The following CCNB1IP1 variants were observed in gnomAD, a reference collection of about 807,000 sequenced individuals.
CCNB1IP1 encodes the protein cyclin B1 interacting protein 1.
Under a neutral mutation model 25.6 loss-of-function variants are expected in CCNB1IP1, and 14 were observed. That is an observed-to-expected ratio of 0.55 (90% CI 0.36 to 0.85). The LOEUF (loss-of-function observed/expected upper bound fraction) is 0.85, where lower values mean the gene tolerates loss of function less well. CCNB1IP1 is among the 40% of genes least tolerant of loss of function. The pLI is 0.01. For missense variants in CCNB1IP1, 278 were observed against 342.4 expected (o/e 0.81, Z 1.48); for synonymous variants, 119 against 116.1 (o/e 1.02, Z -0.16).
At chr14:20,312,963 G>T (rs1232995899) in intron 6 of CCNB1IP1, among the ~76,000 whole-genome samples, 2 of 152,228 alleles carry the variant, frequency 1.3e-5, no homozygotes, top group East Asian at 3.9e-4. Flanking sequence ...GAAAAAAATT[G>T]AAACATGGCC....
At chr14:20,320,378 T>C (rs2138856735) in intron 4 of CCNB1IP1, 2 of 455,146 alleles carry the variant, frequency 4.4e-6, no homozygotes, top group South Asian at 3.1e-5. Flanking sequence ...AGTGGTAGTC[T>C]AGTCTGTAAC....
intron 5 of CCNB1IP1, chr14:20,315,569 T>C (rs1882664070): frequency 1.6e-6 from 2 of 1,275,114 alleles, no homozygotes; most frequent in Non-Finnish European, 2.0e-6. Context: ...TAACAATACA[T>C]TCAAGGACAT....
At chr14:20,321,568 C>T (rs547086678) in intron 4 of CCNB1IP1, among the ~76,000 whole-genome samples, 1 of 152,182 alleles carries the variant, frequency 6.6e-6, no homozygotes, top group Non-Finnish European at 1.5e-5. Context: ...TTCCTTGCCT[C>T]AGCCTCCCGC....
chr14:20,324,221 C>T (rs1882992915), intron 4 of CCNB1IP1, among the ~76,000 whole-genome samples: 1 of 152,090 alleles, frequency 6.6e-6, no homozygotes, highest in Admixed American at 6.5e-5. Flanking sequence ...AAGTCTAGCT[C>T]TGTCACCCAA....
At position 20,315,959 on chromosome 14, in the gene CCNB1IP1, C is replaced by A. The variant is rs1299892694; in HGVS notation, c.297+268G>T. On this transcript the variant is annotated intron_variant, in intron 5 of 6. Coordinates refer to ENST00000358932, the MANE Select transcript of CCNB1IP1 (RefSeq NM_021178.5). ...GTGTGTGTGTTATCTTACTTTTATACAGAAGAGAGAGAGAGTGTGTGAGTG... is the reference window on the plus strand; with the variant it reads ...GTGTGTGTGTTATCTTACTTTTATAAAGAAGAGAGAGAGAGTGTGTGAGTG... 6 of 456,874 alleles carry A rather than the reference C, an allele frequency of 1.3e-5. 1 individual carries two copies. Among genetic ancestry groups the A allele is most frequent in the Middle Eastern group, 6.3e-4 (2 of 3,196 alleles). 28.3% of individuals were successfully genotyped at this position (456,874 alleles called of 1,614,324 possible).
intron 4 of CCNB1IP1, chr14:20,317,917 T>C (rs1217374600): frequency 6.6e-6 from 1 of 152,170 alleles, no homozygotes; most frequent in East Asian, 1.9e-4. Context: ...ATGCGTGGGG[T>C]TGCCCCGAAG....
chr14:20,318,245 G>C (rs143779392), intron 4 of CCNB1IP1: 9,318 of 152,234 alleles, frequency 0.061, 876 homozygotes, highest in African/African-American at 0.2. Context: ...AGGCTGAGGC[G>C]GGCAAATCAC....
chr14:20,320,000 G>A (rs61995536), intron 4 of CCNB1IP1, among the ~76,000 whole-genome samples: 6,910 of 152,238 alleles, frequency 0.045, 224 homozygotes, highest in Middle Eastern at 0.1. Flanking sequence ...TTCATTACTC[G>A]TAAGAGTGAG....
At chr14:20,313,242 T>C (rs1447392849) in intron 6 of CCNB1IP1, among the ~76,000 whole-genome samples, 1 of 152,248 alleles carries the variant, frequency 6.6e-6, no homozygotes, top group Non-Finnish European at 1.5e-5. Context: ...AACTTTCATT[T>C]TGCAGAGATT....
At chr14:20,328,078 G>A (rs1172755512) in intron 2 of CCNB1IP1, among the ~76,000 whole-genome samples, 1 of 152,142 alleles carries the variant, frequency 6.6e-6, no homozygotes, top group Non-Finnish European at 1.5e-5. Flanking sequence ...AGAAAAGAAA[G>A]CAGTGGCTAT....
At chr14:20,316,185 C>A in intron 5 of CCNB1IP1, 42 bp downstream of exon 5, 2 of 1,553,424 alleles carry the variant, frequency 1.3e-6, no homozygotes, top group Admixed American at 1.8e-5. Flanking sequence ...CCCACAAATG[C>A]CATAAATCAC....
intron 2 of CCNB1IP1, 80 bp downstream of exon 2, chr14:20,329,093 TC>T (rs1463477549): frequency 6.6e-6 from 1 of 152,226 alleles, no homozygotes; most frequent in African/African-American, 2.4e-5. Context: ...TCCAATTTAC[TC>T]AGTGCCACCT....
intron 1 of CCNB1IP1, 73 bp from the exon 2 acceptor site, chr14:20,329,446 C>T (rs1883172056): frequency 6.6e-6 from 1 of 152,190 alleles, no homozygotes; most frequent in Non-Finnish European, 1.5e-5. Context: ...GTATAGTTTT[C>T]CTTTAGAGAT....
At chr14:20,312,506 A>T (rs1172571524) in intron 6 of CCNB1IP1, among the ~76,000 whole-genome samples, 1 of 151,636 alleles carries the variant, frequency 6.6e-6, no homozygotes, top group Non-Finnish European at 1.5e-5. Context: ...ACCACCTCAT[A>T]CTTTTTATAA....
chr14:20,332,639 T>C (rs1248423751), intron 1 of CCNB1IP1, among the ~76,000 whole-genome samples: 1 of 152,156 alleles, frequency 6.6e-6, no homozygotes, highest in Non-Finnish European at 1.5e-5. Context: ...AGGTCCCTAA[T>C]CTTTTTCCAT....
At chr14:20,318,493 T>C (rs937778805) in intron 4 of CCNB1IP1, 2 of 151,594 alleles carry the variant, frequency 1.3e-5, no homozygotes, top group African/African-American at 4.9e-5. Flanking sequence ...AAAAAAATTA[T>C]TTAATTAATT....
chr14:20,332,552 C>T (rs1883284321), intron 1 of CCNB1IP1, among the ~76,000 whole-genome samples: 1 of 152,172 alleles, frequency 6.6e-6, no homozygotes, highest in African/African-American at 2.4e-5. Context: ...CTCGGAATGG[C>T]TCACTGCTTC....
At chr14:20,327,088 A>G (rs1230124967) in intron 2 of CCNB1IP1, among the ~76,000 whole-genome samples, 3 of 152,124 alleles carry the variant, frequency 2.0e-5, no homozygotes, top group Non-Finnish European at 4.4e-5. Context: ...ACAAAACAAA[A>G]AAAATTTAAC....
chr14:20,327,811 A>G (rs897973496), intron 2 of CCNB1IP1, among the ~76,000 whole-genome samples: 4 of 152,194 alleles, frequency 2.6e-5, no homozygotes, highest in African/African-American at 9.7e-5. Context: ...GAAAGCAAGT[A>G]AGGTTAAGAA....
Sources: allele counts gnomAD v4.1 joint callset (sites outside exome capture counted in the v4.1 genomes callset), GRCh38; gene constraint gnomAD v4.1.1; transcripts MANE v1.5; gene names NCBI Gene and HGNC (gene_info 2026-07-23, HGNC 2026-07-21).